The following PHLDB2 variants were observed in gnomAD, a reference collection of about 807,000 sequenced individuals.
The protein encoded by PHLDB2 is pleckstrin homology-like domain family B member 2.
A neutral mutation model predicts 123.6 loss-of-function variants in PHLDB2; 71 were observed. The ratio of observed to expected loss-of-function variants is 0.57; its 90% CI spans 0.47 to 0.70. The LOEUF is 0.70. Ranked by LOEUF, PHLDB2 falls within the 30% of genes least tolerant of loss-of-function variation. The pLI is 0.00. For missense variants in PHLDB2, 1,446 were observed against 1,519.5 expected (o/e 0.95, Z 0.80); for synonymous variants, 547 against 541.6 (o/e 1.01, Z -0.14).
chr3:111,859,615 G>A (rs996320887), intron 1 of PHLDB2, 39 bp downstream of exon 1: 2 of 985,240 alleles, frequency 2.0e-6, no homozygotes, highest in African/African-American at 1.7e-5. Flanking sequence ...GGAGGGGGTG[G>A]TGCCGACTCC....
At chr3:111,883,475 C>A (rs983376972) in intron 1 of PHLDB2, among the ~76,000 whole-genome samples, 5 of 152,206 alleles carry the variant, frequency 3.3e-5, no homozygotes, top group African/African-American at 1.2e-4. Flanking sequence ...TTTGTTATTA[C>A]CTACCTCTGA....
At chr3:111,913,836 A>G in intron 3 of PHLDB2, 134 bp downstream of exon 3, 1 of 1,239,372 alleles carries the variant, frequency 8.1e-7, no homozygotes, top group Non-Finnish European at 1.1e-6. Flanking sequence ...AGAGGTCATT[A>G]GCTGAGCGAG....
At chr3:111,967,974 GCAAAA>G (rs1228921235) in intron 15 of PHLDB2, 150 bp downstream of exon 15, 2 of 41,048 alleles carry the variant, frequency 4.9e-5, no homozygotes, top group South Asian at 9.8e-4. Flanking sequence ...GCATTCCTGT[GCAAAA>G]AAAAAAAAAA....
chr3:111,885,984 C>T (rs988400486), intron 2 of PHLDB2, among the ~76,000 whole-genome samples: 1 of 152,194 alleles, frequency 6.6e-6, no homozygotes, highest in Non-Finnish European at 1.5e-5. Flanking sequence ...CACATACTCA[C>T]AAGATCTATT....
At chr3:111,738,551 A>G (rs1464960280) in intron 1 of PHLDB2, among the ~76,000 whole-genome samples, 1 of 152,160 alleles carries the variant, frequency 6.6e-6, no homozygotes, top group Non-Finnish European at 1.5e-5. Flanking sequence ...CACTTACCAG[A>G]GATGAGAAGG....
intron 12 of PHLDB2, chr3:111,958,772 A>C (rs1451472991): frequency 2.2e-6 from 1 of 452,194 alleles, no homozygotes; most frequent in East Asian, 6.9e-5. Context: ...TATTCTTGCT[A>C]CATAATTAAA....
rs369546742 is a variant in PHLDB2, at chr3:111,920,286, A to G, written c.1868A>G (p.Asp623Gly). The G allele has an allele frequency of 1.2e-5, 19 of 1,613,462 alleles. No homozygotes were observed. The African/African-American group carries it at 1.9e-4, about 16-fold the overall frequency. ...AGCTTTGGTTTGTGTCCTTAGTTGG[A>G]TATGGAATGTGCTCTTTTGGATGGA... ...DQMDESFREL[D>G]MECALLDGEQ... The change falls in exon 5 of 18, where the codon GAT becomes GGT. Residue 623 changes from aspartate to glycine, a missense_variant. Physicochemically the swap from Asp to Gly is moderately conservative, Grantham distance 94. Transcript: ENST00000431670.
Position 111,932,297 on chromosome 3 carries a change from A to G in PHLDB2, c.2030A>G (p.Glu677Gly). The G allele has an allele frequency of 1.3e-6, 2 of 1,551,466 alleles. No homozygotes were observed. The highest frequency in any genetic ancestry group is 1.4e-5 in the African/African-American group (1 of 73,144). ...KEKVKLDAER[E>G]KLERLQELYS... ...AAGGTAAAGCTTGATGCTGAAAGGG[A>G]AAAACTAGAGAGGCTTCAGGAGCTT... Residue 677 changes from glutamate (E) to glycine (G), a missense_variant, in exon 6 of 18, where the codon GAA becomes GGA. Glu to Gly is a moderately conservative substitution (Grantham distance 98). Transcript: ENST00000431670.
At chr3:111,964,647 G>A (rs1033781811) in intron 13 of PHLDB2, among the ~76,000 whole-genome samples, 22 of 151,930 alleles carry the variant, frequency 1.4e-4, no homozygotes, top group African/African-American at 5.1e-4. Flanking sequence ...TAGCTTGATT[G>A]TAGTAATCAT....
At chr3:111,748,402 T>C (rs904722656) in intron 1 of PHLDB2, among the ~76,000 whole-genome samples, 1 of 152,224 alleles carries the variant, frequency 6.6e-6, no homozygotes, top group African/African-American at 2.4e-5. Context: ...GCTTTCTTTA[T>C]TGGTATTTCC....
Position 111,919,174 on chromosome 3 carries a change from A to G in PHLDB2, c.1822A>G (p.Ile608Val). The G allele has an allele frequency of 1.2e-6, 2 of 1,614,190 alleles. No individual in the cohort carries two copies. Among genetic ancestry groups the G allele is most frequent in the Non-Finnish European group, 1.7e-6 (2 of 1,179,988 alleles). Residue 608 changes from isoleucine to valine, a missense_variant, in exon 4 of 18, where the codon ATC (isoleucine) becomes GTC (valine). Ile to Val is a conservative substitution (Grantham distance 29, BLOSUM62 3). Transcript: ENST00000431670. Reference sequence around the variant, plus strand: ...CAACCTCGAGGAACTTAAGCAAAAAATCAAAGACATAAATGATCAGATGGA... The same window carrying G: ...CAACCTCGAGGAACTTAAGCAAAAAGTCAAAGACATAAATGATCAGATGGA... The part of the protein sequence containing the change: ...LNNLEELKQK[I>V]KDINDQMDES...
At chr3:111,823,296 C>G (rs1381655548) in intron 1 of PHLDB2, among the ~76,000 whole-genome samples, 1 of 152,220 alleles carries the variant, frequency 6.6e-6, no homozygotes, top group East Asian at 1.9e-4. Context: ...ATACCCCAAG[C>G]TAGCATGCCT....
chr3:111,928,503 G>A (rs1172070704), intron 5 of PHLDB2, among the ~76,000 whole-genome samples: 1 of 152,158 alleles, frequency 6.6e-6, no homozygotes, highest in Non-Finnish European at 1.5e-5. Flanking sequence ...ATATTTAAAA[G>A]CTCTTCCACA....
intron 2 of PHLDB2, among the ~76,000 whole-genome samples, chr3:111,899,532 G>A (rs1325745734): frequency 6.6e-6 from 1 of 152,076 alleles, no homozygotes; most frequent in Non-Finnish European, 1.5e-5. Context: ...AAACAGATGT[G>A]GTGTCATCTA....
Position 111,967,719 on chromosome 3 carries a change from A to C in PHLDB2, c.3210A>C (p.Glu1070Asp). The stretch of plus-strand genomic sequence containing the variant: ...CCAAAAAACGAGCCCTGGAAGAAGA[A>C]AAACGACGCCGGGAAATCCTGGAAA... ...MEAKKRALEE[E>D]KRRREILEKR... Residue 1070 changes from glutamate (E) to aspartate (D), a missense_variant, in exon 15 of 18, where the codon GAA becomes GAC. Glu to Asp is a conservative substitution (Grantham distance 45, BLOSUM62 2). Around this residue, in one of 3 missense-constraint regions of PHLDB2, gnomAD observed 594 missense variants for 646.0 expected, o/e 0.92. Transcript: ENST00000431670. The C allele has an allele frequency of 1.2e-6, 2 of 1,612,746 alleles. No individual in the cohort carries two copies. Among genetic ancestry groups the C allele is most frequent in the South Asian group, 2.2e-5 (2 of 90,834 alleles).
At chr3:111,966,966 TG>T (rs1365311010) in intron 14 of PHLDB2, among the ~76,000 whole-genome samples, 7 of 143,992 alleles carry the variant, frequency 4.9e-5, no homozygotes, top group African/African-American at 1.8e-4. Context: ...TTTTTGTGTG[TG>T]TTTTTTTTTT....
intron 5 of PHLDB2, among the ~76,000 whole-genome samples, chr3:111,925,026 G>A (rs1360221517): frequency 5.3e-5 from 8 of 151,780 alleles, no homozygotes; most frequent in African/African-American, 1.5e-4. Flanking sequence ...ACGGAGTTTC[G>A]TCATGTTGTC....
rs2072444480 is a variant in PHLDB2, at chr3:111,974,742, A to G, written c.*179A>G. 1 of 500,500 alleles carries G rather than the reference A, an allele frequency of 2.0e-6. No individual in the cohort carries two copies. Among genetic ancestry groups the G allele is most frequent in the Non-Finnish European group, 3.2e-6 (1 of 316,984 alleles). The allele number at this position is 500,500 out of a possible 1,614,324, so 31.0% of individuals were successfully genotyped here. ...AAAATAAAGAAGGGGTTTTAATACA[A>G]ACCTTCATAATAAATAGCAAAATAA... On this transcript the variant is annotated 3_prime_UTR_variant, in exon 18 of 18. Coordinates refer to ENST00000431670, the MANE Select transcript of PHLDB2 (RefSeq NM_001134438.2).
chr3:111,885,676 A>G, intron 2 of PHLDB2: 3 of 645,384 alleles, frequency 4.6e-6, no homozygotes, highest in Non-Finnish European at 2.7e-6. Flanking sequence ...ATTCTTTAAA[A>G]ACATAACAGA....
Sources: allele counts gnomAD v4.1 joint callset (sites outside exome capture counted in the v4.1 genomes callset), GRCh38; gene constraint gnomAD v4.1.1; regional missense constraint gnomAD v4.1.1; transcripts MANE v1.5; gene names NCBI Gene and HGNC (gene_info 2026-07-23, HGNC 2026-07-21).